ZMIZ1: variants seen among roughly 807,000 people sequenced by gnomAD.
ZMIZ1 encodes the protein zinc finger MIZ-type containing 1.
ZMIZ1 carries 17 observed loss-of-function variants against 113.9 expected under a neutral mutation model. The ratio of observed to expected loss-of-function variants is 0.15; its 90% CI spans 0.10 to 0.22. The LOEUF (loss-of-function observed/expected upper bound fraction) is 0.22. Among genes scored for constraint, ZMIZ1 ranks in the 10% least tolerant of loss-of-function variants. ZMIZ1 has a pLI of 1.00. For synonymous variants in ZMIZ1, 607 were observed against 603.1 expected (o/e 1.01, Z -0.09); for missense variants, 1,059 against 1,477.8 (o/e 0.72, Z 4.65).
intron 1 of ZMIZ1, among the ~76,000 whole-genome samples, chr10:79,111,484 CTT>C (rs1389727680): frequency 6.6e-6 from 1 of 152,202 alleles, no homozygotes; most frequent in Admixed American, 6.5e-5. Context: ...AGAGCAGAGT[CTT>C]TCCTCTCGAT....
chr10:79,115,025 G>C (rs1481956700), intron 1 of ZMIZ1, among the ~76,000 whole-genome samples: 1 of 152,238 alleles, frequency 6.6e-6, no homozygotes, highest in African/African-American at 2.4e-5. Flanking sequence ...CCAGGGGAAA[G>C]GCCTGGGAAG....
chr10:79,187,677 A>G (rs1589395608), intron 4 of ZMIZ1, among the ~76,000 whole-genome samples: 1 of 152,210 alleles, frequency 6.6e-6, no homozygotes, highest in African/African-American at 2.4e-5. Flanking sequence ...TCCACAGTGC[A>G]GTATGCATGC....
chr10:79,279,690 G>T (rs1852579941), intron 8 of ZMIZ1, among the ~76,000 whole-genome samples: 1 of 152,248 alleles, frequency 6.6e-6, no homozygotes, highest in Non-Finnish European at 1.5e-5. Flanking sequence ...CACTGAGTGA[G>T]CGAGACTCCG....
At chr10:79,180,214 G>A (rs891359170) in intron 4 of ZMIZ1, among the ~76,000 whole-genome samples, 5 of 152,158 alleles carry the variant, frequency 3.3e-5, no homozygotes, top group Admixed American at 2.6e-4. Flanking sequence ...GAAATGCCCC[G>A]AGGTGCCAGG....
At chr10:79,175,215 C>T (rs903204171) in intron 4 of ZMIZ1, among the ~76,000 whole-genome samples, 3 of 152,192 alleles carry the variant, frequency 2.0e-5, no homozygotes, top group African/African-American at 7.2e-5. Context: ...CAAAAGAAAC[C>T]CCGAGCAGTC....
At chr10:79,113,616 G>T (rs140812506) in intron 1 of ZMIZ1, among the ~76,000 whole-genome samples, 1 of 152,330 alleles carries the variant, frequency 6.6e-6, no homozygotes, top group East Asian at 1.9e-4. Context: ...CAGGCACCAC[G>T]CTATGCTGTG....
At chr10:79,180,742 G>A (rs1366347235) in intron 4 of ZMIZ1, among the ~76,000 whole-genome samples, 1 of 152,208 alleles carries the variant, frequency 6.6e-6, no homozygotes, top group Non-Finnish European at 1.5e-5. Context: ...CTGCTCAGGG[G>A]GGATAAAGTG....
intron 4 of ZMIZ1, among the ~76,000 whole-genome samples, chr10:79,167,619 C>T (rs547529466): frequency 1.0e-3 from 153 of 152,268 alleles, no homozygotes; most frequent in African/African-American, 3.6e-3. Context: ...AATTTCATTC[C>T]CCCCACACCG....
intron 7 of ZMIZ1, among the ~76,000 whole-genome samples, chr10:79,228,593 C>T (rs1429393471): frequency 4.6e-5 from 7 of 152,260 alleles, no homozygotes; most frequent in African/African-American, 1.7e-4. Flanking sequence ...TGCCCTCTTG[C>T]CCCTGTGAGC....
intron 7 of ZMIZ1, among the ~76,000 whole-genome samples, chr10:79,268,493 C>G (rs117038501): frequency 0.01 from 1,540 of 152,342 alleles, 18 homozygotes; most frequent in Non-Finnish European, 0.017. Context: ...GTCTGTCCTT[C>G]CTTCCCAGTC....
chr10:79,304,872 G>A lies in ZMIZ1; in HGVS notation c.2287-292G>A, dbSNP rs115793035. ...GGCCTGGTTGAAAGGGGCTATTACAGGGCAAAAAACAGTGAGTCAGCTGGG... is the reference window on the plus strand; with the variant it reads ...GGCCTGGTTGAAAGGGGCTATTACAAGGCAAAAAACAGTGAGTCAGCTGGG... On this transcript the variant is annotated intron_variant, in intron 19 of 24. Transcript: ENST00000334512. Among the ~76,000 whole-genome samples, 994 of 152,276 alleles carry A rather than the reference G, an allele frequency of 6.5e-3. 6 individuals carry two copies. Among genetic ancestry groups the A allele is most frequent in the African/African-American group, 0.023 (962 of 41,556 alleles).
intron 6 of ZMIZ1, among the ~76,000 whole-genome samples, chr10:79,213,399 G>C (rs558672770): frequency 1.3e-5 from 2 of 152,128 alleles, no homozygotes; most frequent in Admixed American, 1.3e-4. Context: ...CCTTGAGCAC[G>C]GTCCTGCCCT....
chr10:79,291,422 T>TA (rs1853488365), intron 10 of ZMIZ1, among the ~76,000 whole-genome samples: 2 of 152,256 alleles, frequency 1.3e-5, no homozygotes, highest in South Asian at 4.1e-4. Context: ...GTGACATTCT[T>TA]ACTCCTCAAA....
intron 17 of ZMIZ1, among the ~76,000 whole-genome samples, chr10:79,301,828 T>C (rs1397579319): frequency 6.6e-6 from 1 of 151,990 alleles, no homozygotes; most frequent in African/African-American, 2.4e-5. Context: ...GAGGCAGTGG[T>C]AGGGGAGGTT....
At chr10:79,201,548 C>A (rs919367468) in intron 4 of ZMIZ1, 36 bp from the exon 5 acceptor site, 1 of 1,509,844 alleles carries the variant, frequency 6.6e-7, no homozygotes, top group Non-Finnish European at 9.1e-7. Context: ...GCAGGCCTGG[C>A]GTGATCCAGT....
At chr10:79,181,239 G>C (rs1847112136) in intron 4 of ZMIZ1, among the ~76,000 whole-genome samples, 1 of 152,124 alleles carries the variant, frequency 6.6e-6, no homozygotes. Context: ...GGAGGCTCAG[G>C]GGCTGACTCA....
chr10:79,178,328 A>G (rs980595011), intron 4 of ZMIZ1, among the ~76,000 whole-genome samples: 4 of 152,204 alleles, frequency 2.6e-5, no homozygotes, highest in Non-Finnish European at 4.4e-5. Context: ...GTGGCCACGC[A>G]GTCCCTTACT....
At chr10:79,078,015 C>T (rs971422297) in intron 1 of ZMIZ1, among the ~76,000 whole-genome samples, 7 of 152,204 alleles carry the variant, frequency 4.6e-5, no homozygotes, top group African/African-American at 1.7e-4. Flanking sequence ...TGCCGTTTTC[C>T]ACACTCTTGT....
At chr10:79,255,021 G>T (rs907496135) in intron 7 of ZMIZ1, among the ~76,000 whole-genome samples, 7 of 152,220 alleles carry the variant, frequency 4.6e-5, no homozygotes, top group Non-Finnish European at 7.4e-5. Flanking sequence ...CTCCAGCCCG[G>T]GCTGGCTGGG....
Sources: allele counts gnomAD v4.1 joint callset (sites outside exome capture counted in the v4.1 genomes callset), GRCh38; gene constraint gnomAD v4.1.1; transcripts MANE v1.5; gene names NCBI Gene and HGNC (gene_info 2026-07-23, HGNC 2026-07-21).